The following DCDC2 variants were observed in gnomAD, a reference collection of about 807,000 sequenced individuals.
The protein encoded by DCDC2 is doublecortin domain containing 2.
In DCDC2, 40 loss-of-function variants were observed where a neutral mutation model predicts 50.2. That is an observed-to-expected ratio of 0.80 (90% confidence interval 0.62 to 1.04). The LOEUF is 1.04. Among genes scored for constraint, DCDC2 ranks in the 50% least tolerant of loss-of-function variants. The pLI, the probability that DCDC2 is intolerant of heterozygous loss-of-function variation, is 0.00. For synonymous variants in DCDC2, 234 were observed against 210.6 expected, an observed-to-expected ratio of 1.11 and a Z score of -0.96; for missense variants, 570 against 581.9, an observed-to-expected ratio of 0.98 and a Z score of 0.21.
chr6:24,258,269 T>C (rs1371300527), intron 7 of DCDC2, among the ~76,000 whole-genome samples: 1 of 152,126 alleles, frequency 6.6e-6, no homozygotes, highest in Non-Finnish European at 1.5e-5. Context: ...TGCTGCTGGC[T>C]GGGGGCGGGG....
chr6:24,189,206 A>G (rs1040139619), intron 8 of DCDC2, among the ~76,000 whole-genome samples: 3 of 152,138 alleles, frequency 2.0e-5, no homozygotes. Context: ...GAAGACAGAA[A>G]AGGTCTGGTA....
intron 4 of DCDC2, among the ~76,000 whole-genome samples, chr6:24,301,065 C>A (rs1052972724): frequency 3.4e-5 from 4 of 117,692 alleles, no homozygotes; most frequent in South Asian, 2.7e-4. Context: ...AAAAAAAAAA[C>A]GGACAATTAA....
chr6:24,335,270 T>C (rs756549734), intron 2 of DCDC2, among the ~76,000 whole-genome samples: 40 of 152,288 alleles, frequency 2.6e-4, no homozygotes, highest in Non-Finnish European at 5.3e-4. Flanking sequence ...CAGGCAAATG[T>C]GCCCTGTGAG....
chr6:24,272,994 G>C (rs746307070), intron 7 of DCDC2, among the ~76,000 whole-genome samples: 1 of 145,430 alleles, frequency 6.9e-6, no homozygotes, highest in Non-Finnish European at 1.5e-5. Context: ...AAAAGAAAAT[G>C]TGTGTATAAA....
intron 7 of DCDC2, among the ~76,000 whole-genome samples, chr6:24,253,565 T>A (rs1023606540): frequency 1.3e-5 from 2 of 152,162 alleles, no homozygotes; most frequent in South Asian, 4.1e-4. Flanking sequence ...ACACCTAGGG[T>A]GTGTGCTATA....
chr6:24,375,651 ACTGT>A, the DCDC2 span, among the ~76,000 whole-genome samples: 353 of 152,300 alleles, frequency 2.3e-3, 1 homozygote, highest in African/African-American at 8.1e-3. Context: ...GCCTCTGGTC[ACTGT>A]CTGTCACAGC....
At chr6:24,254,764 C>T (rs1762860509) in intron 7 of DCDC2, among the ~76,000 whole-genome samples, 1 of 152,054 alleles carries the variant, frequency 6.6e-6, no homozygotes, top group African/African-American at 2.4e-5. Flanking sequence ...AATAAAATAT[C>T]ACAGCCAATT....
At chr6:24,224,149 C>T (rs6915707) in intron 7 of DCDC2, among the ~76,000 whole-genome samples, 11,238 of 152,230 alleles carry the variant, frequency 0.074, 697 homozygotes, top group African/African-American at 0.18. Flanking sequence ...CAGAGTTCAC[C>T]GGGAATGGGC....
At chr6:24,239,681 G>C (rs567533682) in intron 7 of DCDC2, among the ~76,000 whole-genome samples, 1 of 152,234 alleles carries the variant, frequency 6.6e-6, no homozygotes, top group African/African-American at 2.4e-5. Flanking sequence ...CAGGCTAAAA[G>C]GAAATAATCC....
chr6:24,202,467 T>C (rs916500282), intron 8 of DCDC2, among the ~76,000 whole-genome samples: 1 of 152,200 alleles, frequency 6.6e-6, no homozygotes, highest in South Asian at 2.1e-4. Flanking sequence ...AAATAAGGTA[T>C]TGATGGAATA....
At chr6:24,276,888 C>G (rs1248906855) in intron 7 of DCDC2, among the ~76,000 whole-genome samples, 1 of 152,048 alleles carries the variant, frequency 6.6e-6, no homozygotes, top group Non-Finnish European at 1.5e-5. Context: ...ATGAGCTGCC[C>G]AAGGTCAATG....
At chr6:24,246,479 C>CTTT (rs4052666) in intron 7 of DCDC2, among the ~76,000 whole-genome samples, 1,142 of 70,704 alleles carry the variant, frequency 0.016, 119 homozygotes, top group East Asian at 0.049. Context: ...TTTTCTTTTT[C>CTTT]TTTTTTTTTT....
At chr6:24,271,316 A>C (rs1170851458) in intron 7 of DCDC2, among the ~76,000 whole-genome samples, 1 of 152,080 alleles carries the variant, frequency 6.6e-6, no homozygotes. Flanking sequence ...AAAGGCTGTG[A>C]AACTTGTCAG....
At chr6:24,242,682 T>C (rs1233082050) in intron 7 of DCDC2, among the ~76,000 whole-genome samples, 1 of 152,168 alleles carries the variant, frequency 6.6e-6, no homozygotes, top group African/African-American at 2.4e-5. Context: ...AGAAAGATGG[T>C]TGGGCATGGT....
upstream of DCDC2, among the ~76,000 whole-genome samples, chr6:24,359,019 TTTA>T (rs1380285559): frequency 3.6e-5 from 1 of 28,166 alleles, no homozygotes; most frequent in African/African-American, 1.6e-4. Flanking sequence ...TATTATATAT[TTTA>T]TATTTTATAT....
chr6:24,309,782 A>C, intron 2 of DCDC2, among the ~76,000 whole-genome samples: 1 of 152,202 alleles, frequency 6.6e-6, no homozygotes, highest in East Asian at 1.9e-4. Flanking sequence ...GCAGACTGGA[A>C]AAAGGAACAA....
chr6:24,359,540 A>G (rs1439020957), upstream of DCDC2, among the ~76,000 whole-genome samples: 1 of 108,502 alleles, frequency 9.2e-6, no homozygotes, highest in Non-Finnish European at 1.7e-5. Context: ...TATTTTTTAT[A>G]TATTTTATAT....
intron 7 of DCDC2, among the ~76,000 whole-genome samples, chr6:24,246,473 C>CTTTTTCTTT (rs1762674404): frequency 3.2e-5 from 2 of 62,230 alleles, no homozygotes; most frequent in African/African-American, 1.0e-4. Flanking sequence ...AAGTCTTTTT[C>CTTTTTCTTT]TTTTTCTTTT....
intron 2 of DCDC2, among the ~76,000 whole-genome samples, chr6:24,352,611 T>C (rs1306633570): frequency 6.6e-6 from 1 of 152,200 alleles, no homozygotes; most frequent in Non-Finnish European, 1.5e-5. Context: ...CTTCAAATAC[T>C]GTACAATTAG....
Sources: gnomAD v4.1 joint callset for allele counts (sites outside exome capture counted in the v4.1 genomes callset) on GRCh38, gnomAD v4.1.1 for gene constraint, MANE v1.5 for transcripts, NCBI Gene and HGNC (gene_info 2026-07-23, HGNC 2026-07-21) for gene names.